Variants in LRRFIP2 observed in about 807,000 individuals in gnomAD.
The protein encoded by LRRFIP2 is leucine-rich repeat flightless-interacting protein 2.
In LRRFIP2, 109 loss-of-function variants were observed where a neutral mutation model predicts 125.9. The ratio of observed to expected loss-of-function variants is 0.87; its 90% CI spans 0.74 to 1.01. The LOEUF is 1.01. LRRFIP2 is among the 50% of genes least tolerant of loss of function. The pLI, the probability that LRRFIP2 is intolerant of heterozygous loss-of-function variation, is 0.00. For synonymous variants in LRRFIP2, 291 were observed against 293.1 expected (o/e 0.99, Z 0.07); for missense variants, 850 against 862.3 (o/e 0.99, Z 0.18).
At chr3:37,119,065 G>A (rs1054512438) in intron 6 of LRRFIP2, among the ~76,000 whole-genome samples, 2 of 152,162 alleles carry the variant, frequency 1.3e-5, no homozygotes, top group Non-Finnish European at 1.5e-5. Flanking sequence ...GAAATTAGTA[G>A]TGAGCCTTCA....
At chr3:37,074,519 A>G (rs2091751355) in intron 20 of LRRFIP2, among the ~76,000 whole-genome samples, 1 of 152,178 alleles carries the variant, frequency 6.6e-6, no homozygotes, top group African/African-American at 2.4e-5. Context: ...TTCCATTCCT[A>G]AGATGTTGCC....
intron 1 of LRRFIP2, among the ~76,000 whole-genome samples, chr3:37,152,008 TAC>T (rs762890712): frequency 1.9e-4 from 29 of 152,038 alleles, no homozygotes; most frequent in Non-Finnish European, 2.8e-4. Flanking sequence ...AAAAGACACA[TAC>T]ACACACACGT....
intron 23 of LRRFIP2, chr3:37,065,291 G>C (rs1399925231): frequency 4.3e-6 from 1 of 234,848 alleles, no homozygotes; most frequent in Non-Finnish European, 8.8e-6. Context: ...AAATTTAAGA[G>C]GTTTAGACTT....
chr3:37,071,389 G>A (rs865849597), intron 21 of LRRFIP2, among the ~76,000 whole-genome samples: 2 of 152,050 alleles, frequency 1.3e-5, no homozygotes, highest in Non-Finnish European at 2.9e-5. Context: ...AAATTCTTTT[G>A]CAGAGACAGG....
At chr3:37,092,719 A>G (rs935770697) in intron 17 of LRRFIP2, among the ~76,000 whole-genome samples, 10 of 152,212 alleles carry the variant, frequency 6.6e-5, no homozygotes, top group Non-Finnish European at 1.3e-4. Context: ...TGTCACCTTC[A>G]AACCAATGGC....
intron 4 of LRRFIP2, among the ~76,000 whole-genome samples, chr3:37,123,409 G>A (rs1050838708): frequency 4.6e-5 from 7 of 152,110 alleles, no homozygotes; most frequent in African/African-American, 1.2e-4. Flanking sequence ...GGCTGGTCTC[G>A]AATTCCTGAC....
intron 24 of LRRFIP2, 97 bp from the exon 25 acceptor site, chr3:37,059,007 T>C (rs1054762150): frequency 1.1e-5 from 16 of 1,476,180 alleles, no homozygotes; most frequent in Middle Eastern, 2.4e-4. Flanking sequence ...CAGACCCTTA[T>C]CGTATCAGCC....
rs552210696 is a variant in LRRFIP2 at position 37,110,268 on chromosome 3, C to A, written c.514-565G>T. Among the ~76,000 whole-genome samples the A allele has an allele frequency of 4.6e-5, 7 of 152,282 alleles. No individual in the cohort carries two copies. The East Asian group carries it at 1.2e-3, about 25-fold the overall frequency. ...AGATAAATTGTACTAGTCAATGAATCCATGCACTAAAAGAACACAGCATGT... is the reference window on the plus strand; with the variant it reads ...AGATAAATTGTACTAGTCAATGAATACATGCACTAAAAGAACACAGCATGT... On this transcript the variant is annotated intron_variant, in intron 9 of 27. Coordinates refer to ENST00000336686, the MANE Select transcript of LRRFIP2 (RefSeq NM_006309.4).
chr3:37,055,628 C>T (rs187651840), intron 25 of LRRFIP2, among the ~76,000 whole-genome samples: 1 of 152,248 alleles, frequency 6.6e-6, no homozygotes, highest in East Asian at 1.9e-4. Context: ...TTCAGCAGCC[C>T]AGGTTCTGGA....
At chr3:37,095,867 G>A (rs753174907) in intron 16 of LRRFIP2, among the ~76,000 whole-genome samples, 14 of 152,228 alleles carry the variant, frequency 9.2e-5, no homozygotes, top group South Asian at 2.1e-4. Context: ...GACTGGTCTC[G>A]AACTCCTGAC....
rs113139226 is a variant in LRRFIP2, at chr3:37,079,891, T to C, written c.1278+3745A>G. Among the ~76,000 whole-genome samples the C allele has an allele frequency of 3.5e-3, 540 of 152,156 alleles. 3 individuals are homozygous for C. Among genetic ancestry groups the C allele is most frequent in the African/African-American group, 0.013 (528 of 41,510 alleles). ...AATAGGGAACTCTATAGATAGAAAG[T>C]AGATCAGTGGTTACTTAAGACTGAG... is the stretch of plus-strand genomic sequence containing the variant. On this transcript the variant is annotated intron_variant, in intron 19 of 27. Coordinates refer to ENST00000336686, the MANE Select transcript of LRRFIP2 (RefSeq NM_006309.4).
chr3:37,134,089 G>C (rs563902547), intron 2 of LRRFIP2, among the ~76,000 whole-genome samples: 148 of 151,218 alleles, frequency 9.8e-4, no homozygotes, highest in African/African-American at 2.7e-3. Context: ...GGCTGAGGCA[G>C]AAGAATCGCT....
chr3:37,131,786 T>C (rs1024866670), intron 2 of LRRFIP2, among the ~76,000 whole-genome samples: 1 of 152,156 alleles, frequency 6.6e-6, no homozygotes, highest in Non-Finnish European at 1.5e-5. Flanking sequence ...AGTTGAAGAA[T>C]ACAGAGACAC....
At chr3:37,114,993 G>C in intron 7 of LRRFIP2, 61 bp downstream of exon 7, 1 of 1,237,804 alleles carries the variant, frequency 8.1e-7, no homozygotes, top group Non-Finnish European at 1.2e-6. Flanking sequence ...TCTATAATTA[G>C]CATCAACAGA....
intron 2 of LRRFIP2, among the ~76,000 whole-genome samples, chr3:37,147,869 T>C (rs997995759): frequency 3.3e-5 from 5 of 152,292 alleles, no homozygotes; most frequent in Admixed American, 1.3e-4. Flanking sequence ...CGGCAGGAAA[T>C]GTTGCCAGCG....
chr3:37,090,218 T>TTTTGTTTGTTTG lies in LRRFIP2; in HGVS notation c.1107+1237_1107+1248dup, dbSNP rs111504404. ...AGAGGTGTAGTGTGTATTTTACTTTTTTTGTTTGTTTGTTTGTTTGTTTGT... is the reference window on the plus strand; with the variant it reads ...AGAGGTGTAGTGTGTATTTTACTTTTTTTGTTTGTTTGTTTGTTTGTTTGTTTGTTTGTTTGT... On this transcript the variant is annotated intron_variant, in intron 18 of 27. Coordinates refer to ENST00000336686, the MANE Select transcript of LRRFIP2 (RefSeq NM_006309.4). Among the ~76,000 whole-genome samples, 339 of 151,026 alleles carry TTTTGTTTGTTTG rather than the reference T, an allele frequency of 2.2e-3. 1 individual carries two copies. The highest frequency in any genetic ancestry group is 7.6e-3 in the South Asian group (36 of 4,766).
chr3:37,096,718 G>T, intron 15 of LRRFIP2, 58 bp from the exon 16 acceptor site: 1 of 1,003,840 alleles, frequency 1.0e-6, no homozygotes, highest in Non-Finnish European at 1.5e-6. Context: ...ACTTTTTTTG[G>T]GAGGAAAAAA....
At chr3:37,111,594 T>A (rs1292889383) in intron 8 of LRRFIP2, among the ~76,000 whole-genome samples, 1 of 152,214 alleles carries the variant, frequency 6.6e-6, no homozygotes, top group African/African-American at 2.4e-5. Flanking sequence ...ACATTATAGC[T>A]AATTGAGGGA....
rs56878231 is a variant in LRRFIP2, at chr3:37,101,668, GAAAA to G, written c.873+1252_873+1255del. On this transcript the variant is annotated intron_variant, in intron 15 of 27. Transcript: ENST00000336686. ...CGATAGGTCTCAACCCTGTCACCAAGAAAAAAAAAAAAAAAAGAAGAAGAAGAAG... is the reference window on the plus strand; with the variant it reads ...CGATAGGTCTCAACCCTGTCACCAAGAAAAAAAAAAAAGAAGAAGAAGAAG... 3.1e-5 allele frequency among the ~76,000 whole-genome samples: 4 copies of G among 128,374 alleles called. No individual in the cohort carries two copies. In the Admixed American group the frequency reaches 3.3e-4, roughly 11 times the overall value. The allele number at this position is 128,374 out of a possible 152,430, so 84.2% of individuals were successfully genotyped here. A position where few individuals can be genotyped will look rare whatever the true frequency, so the allele number is the denominator to read the frequency against.
Sources: allele counts gnomAD v4.1 joint callset (sites outside exome capture counted in the v4.1 genomes callset), GRCh38; gene constraint gnomAD v4.1.1; transcripts MANE v1.5; gene names NCBI Gene and HGNC (gene_info 2026-07-23, HGNC 2026-07-21).